Variants in CYP2F1 observed in about 807,000 individuals in gnomAD.
CYP2F1 encodes cytochrome P450 family 2 subfamily F member 1.
CYP2F1 carries 33 observed loss-of-function variants against 40.4 expected under a neutral mutation model. The observed-to-expected ratio is 0.82, with a 90% confidence interval of 0.62 to 1.09. CYP2F1 has a LOEUF of 1.09. Among genes scored for constraint, CYP2F1 ranks in the 50% least tolerant of loss-of-function variants. The pLI is 0.00. For synonymous variants in CYP2F1, 235 were observed against 277.2 expected (o/e 0.85, Z 1.51); for missense variants, 566 against 655.7 (o/e 0.86, Z 1.49).
chr19:41,124,249 C>CA (rs367729339), intron 7 of CYP2F1, among the ~76,000 whole-genome samples: 2 of 102,412 alleles, frequency 2.0e-5, no homozygotes, highest in African/African-American at 4.1e-5. Flanking sequence ...TCCTCTTCCC[C>CA]CCCCCCTTTT....
intron 1 of CYP2F1, 33 bp from the exon 2 acceptor site, chr19:41,116,145 T>C: frequency 6.5e-7 from 1 of 1,539,672 alleles, no homozygotes; most frequent in Non-Finnish European, 8.8e-7. Context: ...ATCAGCGATG[T>C]CCTCTCCCAC....
At chr19:41,124,255 CTTT>C (rs61661824) in intron 7 of CYP2F1, among the ~76,000 whole-genome samples, 580 of 35,320 alleles carry the variant, frequency 0.016, 19 homozygotes, top group East Asian at 0.063. Flanking sequence ...TCCCCCCCCC[CTTT>C]TTTTTTTTTT....
intron 6 of CYP2F1, 152 bp from the exon 7 acceptor site, chr19:41,122,670 T>C (rs2144756753): frequency 1.4e-6 from 1 of 722,344 alleles, no homozygotes; most frequent in Middle Eastern, 2.5e-4. Context: ...GCTGAGATTT[T>C]CCCTGCCCTG....
At chr19:41,123,035 GC>G in intron 7 of CYP2F1, 72 bp downstream of exon 7, 1 of 1,525,220 alleles carries the variant, frequency 6.6e-7, no homozygotes. Flanking sequence ...GGGAGCCACG[GC>G]CCCGCCTCCC....
chr19:41,121,909 A>G, intron 5 of CYP2F1, 48 bp from the exon 6 acceptor site: 1 of 1,557,726 alleles, frequency 6.4e-7, no homozygotes, highest in Non-Finnish European at 8.8e-7. Context: ...TCGCCCCTGA[A>G]CACCCTTTGT....
chr19:41,126,681 G>A (rs1451431522), intron 9 of CYP2F1, among the ~76,000 whole-genome samples: 1 of 151,926 alleles, frequency 6.6e-6, no homozygotes, highest in Middle Eastern at 3.2e-3. Flanking sequence ...TTGAGCTCAG[G>A]AGTTTGAGGT....
At chr19:41,124,256 T>TC (rs1555720804) in intron 7 of CYP2F1, among the ~76,000 whole-genome samples, 1,790 of 16,456 alleles carry the variant, frequency 0.11, 126 homozygotes, top group African/African-American at 0.25. Flanking sequence ...CCCCCCCCCC[T>TC]TTTTTTTTTT....
At chr19:41,124,248 C>CT (rs1229378509) in intron 7 of CYP2F1, among the ~76,000 whole-genome samples, 2 of 101,714 alleles carry the variant, frequency 2.0e-5, no homozygotes, top group Admixed American at 2.0e-4. Flanking sequence ...TTCCTCTTCC[C>CT]CCCCCCCTTT....
intron 9 of CYP2F1, among the ~76,000 whole-genome samples, chr19:41,126,841 T>C (rs1335578974): frequency 6.6e-6 from 1 of 152,188 alleles, no homozygotes; most frequent in East Asian, 1.9e-4. Context: ...GGTCATTGTT[T>C]ACCTCTCCAC....
At chr19:41,123,368 C>T (rs1402859164) in intron 7 of CYP2F1, 3 of 353,076 alleles carry the variant, frequency 8.5e-6, no homozygotes, top group African/African-American at 6.4e-5. Flanking sequence ...TGGGATTACA[C>T]CACCACATCC....
At chr19:41,127,790 G>A (rs997375512) in intron 9 of CYP2F1, 111 bp from the exon 10 acceptor site, 25 of 741,574 alleles carry the variant, frequency 3.4e-5, no homozygotes, top group Admixed American at 5.4e-5. Flanking sequence ...AATCTGTGAC[G>A]TCCCCAGCTG....
rs868021838 is a variant in CYP2F1 at position 41,120,460 on chromosome 19, G to A, written c.448G>A (p.Gly150Ser). The change falls in exon 4 of 10, where the codon GGC (glycine) becomes AGC (serine). Residue 150 changes from glycine to serine, a missense_variant. Physicochemically the swap from Gly to Ser is moderately conservative, Grantham distance 56. Transcript: ENST00000331105. The stretch of plus-strand genomic sequence containing the variant: ...CATTGAGGAGCGAATCCTAGAGGAG[G>A]GCAGCTTCCTGCTGGCGGAGCTGCG... Reference protein sequence around the residue: ...RSIEERILEEGSFLLAELRKT... With the variant: ...RSIEERILEESSFLLAELRKT... 1 of 1,613,846 alleles carries A rather than the reference G, an allele frequency of 6.2e-7. No individual in the cohort carries two copies. The highest frequency in any genetic ancestry group is 8.5e-7 in the Non-Finnish European group (1 of 1,179,936).
intron 1 of CYP2F1, among the ~76,000 whole-genome samples, chr19:41,115,229 T>C (rs1486423152): frequency 6.6e-6 from 1 of 152,140 alleles, no homozygotes; most frequent in Non-Finnish European, 1.5e-5. Context: ...TCCCTCAGTC[T>C]CTGTGTCTAG....
intron 9 of CYP2F1, among the ~76,000 whole-genome samples, chr19:41,127,332 A>C (rs1819935066): frequency 6.6e-6 from 1 of 151,878 alleles, no homozygotes; most frequent in Middle Eastern, 3.2e-3. Flanking sequence ...CACTATTACT[A>C]TCCCTCCTTT....
intron 3 of CYP2F1, among the ~76,000 whole-genome samples, chr19:41,119,713 CTCTCTCTCTCTATATA>C (rs1213890076): frequency 5.2e-5 from 2 of 38,424 alleles, no homozygotes; most frequent in Non-Finnish European, 4.9e-5. Context: ...CTCTCTCTCT[CTCTCTCTCTCTATATA>C]TATATATATA....
chr19:41,116,037 C>G, intron 1 of CYP2F1, 141 bp from the exon 2 acceptor site: 1 of 704,922 alleles, frequency 1.4e-6, no homozygotes, highest in East Asian at 2.7e-5. Context: ...TTCTCCCTCC[C>G]TTCCCCATCC....
chr19:41,124,616 CTT>C (rs752740863), intron 7 of CYP2F1, 101 bp from the exon 8 acceptor site: 7 of 1,117,040 alleles, frequency 6.3e-6, no homozygotes, highest in Non-Finnish European at 5.0e-6. Flanking sequence ...CGCTGGGAGA[CTT>C]TGACTAGACG....
At position 41,122,527 on chromosome 19, in the gene CYP2F1, T is replaced by C. The variant is rs191945862; in HGVS notation, c.823-295T>C. 8.7e-4 allele frequency among the ~76,000 whole-genome samples: 132 copies of C among 151,172 alleles called. No individual in the cohort carries two copies. The East Asian group carries it at 0.011, about 12-fold the overall frequency. ...ATACATACATACATACACACACACA[T>C]ACACACATACATACATACATCATAC... On this transcript the variant is annotated intron_variant, in intron 6 of 9. Coordinates refer to ENST00000331105, the MANE Select transcript of CYP2F1 (RefSeq NM_000774.5).
At chr19:41,124,615 A>G in intron 7 of CYP2F1, 104 bp from the exon 8 acceptor site, 1 of 1,080,214 alleles carries the variant, frequency 9.3e-7, no homozygotes, top group Non-Finnish European at 1.3e-6. Context: ...GCGCTGGGAG[A>G]CTTTGACTAG....
Sources: gnomAD v4.1 joint callset for allele counts (sites outside exome capture counted in the v4.1 genomes callset) on GRCh38, gnomAD v4.1.1 for gene constraint, MANE v1.5 for transcripts, NCBI Gene and HGNC (gene_info 2026-07-23, HGNC 2026-07-21) for gene names.